CYS1: variants seen among roughly 807,000 people sequenced by gnomAD.
CYS1 encodes cystin-1.
CYS1 carries 5 observed loss-of-function variants against 9.6 expected under a neutral mutation model. That is an observed-to-expected ratio of 0.52 (90% confidence interval 0.27 to 1.10). The LOEUF is 1.10. Among genes scored for constraint, CYS1 ranks in the 50% least tolerant of loss-of-function variants. The probability of loss-of-function intolerance (pLI) is 0.11; values close to 1 mark genes in which losing one functional copy is unlikely to be tolerated. For missense variants in CYS1, 221 were observed against 207.9 expected, an observed-to-expected ratio of 1.06 and a Z score of -0.39; for synonymous variants, 88 against 95.7, an observed-to-expected ratio of 0.92 and a Z score of 0.47.
chr2:10,072,326 G>A (rs371487701), intron 1 of CYS1, among the ~76,000 whole-genome samples: 16 of 152,244 alleles, frequency 1.1e-4, no homozygotes, highest in Admixed American at 5.2e-4. Flanking sequence ...CAGGTGATCC[G>A]CCTGCCTCGG....
chr2:10,073,721 T>C (rs1368932503), intron 1 of CYS1, among the ~76,000 whole-genome samples: 2 of 152,190 alleles, frequency 1.3e-5, no homozygotes, highest in Non-Finnish European at 1.5e-5. Context: ...CCCAGCCCTA[T>C]GGGACTCAAA....
At position 10,073,164 on chromosome 2, in the gene CYS1, T is replaced by C. The variant is rs539799255; in HGVS notation, c.318+6742A>G. 2.6e-5 allele frequency among the ~76,000 whole-genome samples: 4 copies of C among 151,088 alleles called. No individual in the cohort carries two copies. In the South Asian group the frequency reaches 6.3e-4, roughly 24 times the overall value. On this transcript the variant is annotated intron_variant, in intron 1 of 2. Transcript: ENST00000381813. ...GTGGGCTCTGCGATGAGACCTGTCT[T>C]GCATGGCTAACATGACAAGGACGTG...
chr2:10,066,427 G>A (rs1489580061), intron 1 of CYS1, among the ~76,000 whole-genome samples: 4 of 152,140 alleles, frequency 2.6e-5, no homozygotes, highest in African/African-American at 9.7e-5. Context: ...GGAACCACGC[G>A]ACCCCGACCC....
chr2:10,068,569 A>G (rs982483740), intron 1 of CYS1, among the ~76,000 whole-genome samples: 7 of 151,902 alleles, frequency 4.6e-5, no homozygotes, highest in South Asian at 2.1e-4. Context: ...GGCTGCAAAC[A>G]TAAGAGGTGC....
chr2:10,071,177 C>T (rs1014780594), intron 1 of CYS1, among the ~76,000 whole-genome samples: 7 of 152,258 alleles, frequency 4.6e-5, no homozygotes, highest in African/African-American at 1.4e-4. Context: ...ATGTTGGCCA[C>T]GCTAGTCTCG....
intron 2 of CYS1, among the ~76,000 whole-genome samples, chr2:10,065,120 G>A (rs78042203): frequency 2.6e-5 from 4 of 152,210 alleles, no homozygotes; most frequent in South Asian, 4.1e-4. Flanking sequence ...TGCCCCTCCC[G>A]GGCTGGGCCT....
chr2:10,061,600 T>C (rs1282457776), intron 2 of CYS1, among the ~76,000 whole-genome samples: 3 of 152,166 alleles, frequency 2.0e-5, no homozygotes, highest in African/African-American at 7.2e-5. Flanking sequence ...ACTCGTCCTG[T>C]CTCACTCAGC....
intron 1 of CYS1, among the ~76,000 whole-genome samples, chr2:10,073,494 C>T (rs1430399983): frequency 1.1e-4 from 17 of 152,200 alleles, no homozygotes; most frequent in Non-Finnish European, 2.2e-4. Flanking sequence ...CCCTTAAGCT[C>T]AAGTCATCTC....
chr2:10,078,810 A>T (rs950597412), intron 1 of CYS1, among the ~76,000 whole-genome samples: 4 of 152,198 alleles, frequency 2.6e-5, no homozygotes, highest in African/African-American at 9.7e-5. Context: ...CTGGAAAATG[A>T]CTTAAAGAGC....
At chr2:10,061,545 GC>G (rs1206310871) in intron 2 of CYS1, among the ~76,000 whole-genome samples, 1 of 152,260 alleles carries the variant, frequency 6.6e-6, no homozygotes, top group East Asian at 1.9e-4. Flanking sequence ...GTGAAGCTGA[GC>G]CCTGGGGGAG....
intron 2 of CYS1, among the ~76,000 whole-genome samples, chr2:10,064,325 T>C (rs1572455366): frequency 1.3e-5 from 2 of 152,226 alleles, no homozygotes; most frequent in South Asian, 2.1e-4. Flanking sequence ...AGGGGTGTCC[T>C]GGAATGTGCA....
intron 2 of CYS1, among the ~76,000 whole-genome samples, chr2:10,061,768 G>A (rs1661631648): frequency 6.6e-6 from 1 of 152,194 alleles, no homozygotes; most frequent in Non-Finnish European, 1.5e-5. Flanking sequence ...AGCCACCCCT[G>A]CCCTGTCTGC....
chr2:10,064,122 C>T (rs964422347), intron 2 of CYS1, among the ~76,000 whole-genome samples: 5 of 152,202 alleles, frequency 3.3e-5, no homozygotes, highest in Admixed American at 3.3e-4. Flanking sequence ...ACTTGGGAGG[C>T]TGAGGCAGGA....
intron 2 of CYS1, among the ~76,000 whole-genome samples, chr2:10,065,418 G>A (rs559133014): frequency 5.3e-5 from 8 of 152,306 alleles, no homozygotes; most frequent in African/African-American, 1.7e-4. Flanking sequence ...CTGGGCTCTG[G>A]GGTTGGGGGA....
At chr2:10,059,088 A>T in intron 2 of CYS1, 130 bp from the exon 3 acceptor site, 2 of 789,772 alleles carry the variant, frequency 2.5e-6, no homozygotes, top group Non-Finnish European at 4.1e-6. Context: ...GCCCTGGGAC[A>T]CCCTGTGGCG....
rs1351602513 is a variant in CYS1 at position 10,058,906 on chromosome 2, C to T, written c.424G>A (p.Asp142Asn). ...GCCATCAGCCCCTCTTCCGAGTGGT[C>T]GTAGGAGATGGCTGCCGGCCTCTCG... Reference protein sequence around the residue: ...KPERPAAISYDHSEEGLMASI... With the variant: ...KPERPAAISYNHSEEGLMASI... Residue 142 changes from aspartate to asparagine, a missense_variant, in exon 3 of 3, where the codon GAC (aspartate) becomes AAC (asparagine). Transcript: ENST00000381813. The T allele has an allele frequency of 1.3e-6, 2 of 1,595,966 alleles. No homozygotes were observed. Among genetic ancestry groups the T allele is most frequent in the Non-Finnish European group, 1.7e-6 (2 of 1,171,814 alleles).
At chr2:10,069,288 G>A (rs1172872737) in intron 1 of CYS1, among the ~76,000 whole-genome samples, 1 of 152,058 alleles carries the variant, frequency 6.6e-6, no homozygotes, top group African/African-American at 2.4e-5. Flanking sequence ...AGAAAATGAA[G>A]ATATTTTCAG....
chr2:10,064,305 C>T (rs1027337619), intron 2 of CYS1, among the ~76,000 whole-genome samples: 2 of 152,048 alleles, frequency 1.3e-5, no homozygotes, highest in Admixed American at 6.6e-5. Context: ...GTGGTAGTAA[C>T]GGATATGTCA....
chr2:10,064,043 C>T (rs904465962), intron 2 of CYS1, among the ~76,000 whole-genome samples: 1 of 152,006 alleles, frequency 6.6e-6, no homozygotes, highest in African/African-American at 2.4e-5. Context: ...GCCAACTTGG[C>T]GAAACCCTGT....
Sources: allele counts gnomAD v4.1 joint callset (sites outside exome capture counted in the v4.1 genomes callset), GRCh38; gene constraint gnomAD v4.1.1; transcripts MANE v1.5; gene names NCBI Gene and HGNC (gene_info 2026-07-23, HGNC 2026-07-21).